ZNF407: variants seen among roughly 807,000 people sequenced by gnomAD.
ZNF407 encodes zinc finger protein 407.
In ZNF407, 17 loss-of-function variants were observed where a neutral mutation model predicts 131.2. The observed-to-expected ratio is 0.13, with a 90% CI of 0.09 to 0.19. The LOEUF (loss-of-function observed/expected upper bound fraction) is 0.19. Among genes scored for constraint, ZNF407 ranks in the 10% least tolerant of loss-of-function variants. The probability of loss-of-function intolerance (pLI) is 1.00; values close to 1 mark genes in which losing one functional copy is unlikely to be tolerated. For missense variants in ZNF407, 2,681 were observed against 2,830.6 expected, an observed-to-expected ratio of 0.95 and a Z score of 1.20; for synonymous variants, 1,156 against 1,062.0, an observed-to-expected ratio of 1.09 and a Z score of -1.72.
At chr18:74,877,694 T>C (rs1188033003) in intron 5 of ZNF407, among the ~76,000 whole-genome samples, 1 of 152,226 alleles carries the variant, frequency 6.6e-6, no homozygotes, top group Non-Finnish European at 1.5e-5. Flanking sequence ...TAGAAGGTCA[T>C]ATGGAGAGAT....
intron 4 of ZNF407, among the ~76,000 whole-genome samples, chr18:74,816,014 C>T (rs962011235): frequency 2.0e-5 from 3 of 152,134 alleles, no homozygotes; most frequent in Non-Finnish European, 4.4e-5. Flanking sequence ...TTCTCCAGCA[C>T]GATTCGTTTG....
intron 8 of ZNF407, among the ~76,000 whole-genome samples, chr18:75,011,109 A>G (rs1972969389): frequency 6.6e-6 from 1 of 151,940 alleles, no homozygotes; most frequent in Admixed American, 6.6e-5. Flanking sequence ...TCTCTTTGTT[A>G]CTCTTGGCTT....
intron 8 of ZNF407, among the ~76,000 whole-genome samples, chr18:75,060,524 G>A (rs1268842494): frequency 9.2e-5 from 1 of 10,852 alleles, no homozygotes; most frequent in Non-Finnish European, 2.3e-4. Context: ...TTTTTTTTTT[G>A]CGACGGAGTC....
At chr18:74,878,500 C>T (rs564119779) in intron 5 of ZNF407, among the ~76,000 whole-genome samples, 1 of 152,172 alleles carries the variant, frequency 6.6e-6, no homozygotes, top group East Asian at 1.9e-4. Flanking sequence ...AGATGAAAAG[C>T]CAGTGCAGAT....
chr18:75,051,331 A>C (rs374314843), intron 8 of ZNF407, among the ~76,000 whole-genome samples: 1 of 152,244 alleles, frequency 6.6e-6, no homozygotes, highest in South Asian at 2.1e-4. Context: ...GACAAACTAC[A>C]AAAGCACCCG....
At chr18:75,029,590 T>C (rs1340317789) in intron 8 of ZNF407, among the ~76,000 whole-genome samples, 3 of 152,146 alleles carry the variant, frequency 2.0e-5, no homozygotes, top group African/African-American at 7.2e-5. Flanking sequence ...TGCGTGTGTG[T>C]GCGTATGTGT....
At chr18:75,011,941 C>T (rs1046910036) in intron 8 of ZNF407, among the ~76,000 whole-genome samples, 8 of 152,036 alleles carry the variant, frequency 5.3e-5, no homozygotes, top group African/African-American at 1.7e-4. Flanking sequence ...GTAAAATTTA[C>T]ATAGTCATTG....
intron 4 of ZNF407, among the ~76,000 whole-genome samples, chr18:74,785,548 T>A (rs564380015): frequency 6.6e-6 from 1 of 152,230 alleles, no homozygotes; most frequent in African/African-American, 2.4e-5. Flanking sequence ...TAATAGGACA[T>A]GGCATTGTAT....
rs1042413535 is a variant in ZNF407, at chr18:74,983,572, G to A, written c.5428+62880G>A. Among the ~76,000 whole-genome samples, 10 of 152,156 alleles carry A rather than the reference G, an allele frequency of 6.6e-5. No individual in the cohort carries two copies. The South Asian group carries it at 1.0e-3, about 16-fold the overall frequency. On this transcript the variant is annotated intron_variant, in intron 8 of 8. Coordinates refer to ENST00000299687, the MANE Select transcript of ZNF407 (RefSeq NM_017757.3). ...GATTTATGAGTCAGTCGGTCTTTGG[G>A]TAGTCATGAAGAATATGACTTCTAT...
intron 4 of ZNF407, among the ~76,000 whole-genome samples, chr18:74,783,947 A>C (rs1466634020): frequency 1.3e-5 from 2 of 152,242 alleles, no homozygotes; most frequent in African/African-American, 2.4e-5. Flanking sequence ...GGACCCCAGC[A>C]GCAGTATAAT....
rs1024641741 is a variant in ZNF407 at position 74,893,170 on chromosome 18, T to C, written c.5249+3132T>C. On this transcript the variant is annotated intron_variant, in intron 7 of 8. Coordinates refer to ENST00000299687, the MANE Select transcript of ZNF407 (RefSeq NM_017757.3). ...AGCTGGATCCCATCCATGTTATACC[T>C]CTGTCAGGTACTACATTTAAGAGGA... is the stretch of plus-strand genomic sequence containing the variant. 4.5e-4 allele frequency among the ~76,000 whole-genome samples: 69 copies of C among 152,316 alleles called. 1 individual carries two copies. Among genetic ancestry groups the C allele is most frequent in the African/African-American group, 1.5e-3 (64 of 41,578 alleles).
At chr18:74,609,004 A>G (rs1345601651) in intron 1 of ZNF407, among the ~76,000 whole-genome samples, 1 of 152,176 alleles carries the variant, frequency 6.6e-6, no homozygotes, top group Non-Finnish European at 1.5e-5. Flanking sequence ...ACAAATGAAC[A>G]TAATATCAGA....
chr18:74,913,110 A>G (rs1971696904), intron 7 of ZNF407, among the ~76,000 whole-genome samples: 1 of 152,242 alleles, frequency 6.6e-6, no homozygotes, highest in African/African-American at 2.4e-5. Context: ...AAACATTGTT[A>G]GTGGAATTGT....
intron 8 of ZNF407, among the ~76,000 whole-genome samples, chr18:75,007,813 ACATGGGAAATCCTC>A (rs1480636985): frequency 6.6e-6 from 1 of 152,200 alleles, no homozygotes; most frequent in Non-Finnish European, 1.5e-5. Flanking sequence ...CACTACTGTA[ACATGGGAAATCCTC>A]CATGGGAAAT....
rs933293242 is a variant in ZNF407 at position 74,635,989 on chromosome 18, C to T, written c.4687+283C>T. Among the ~76,000 whole-genome samples the T allele has an allele frequency of 6.6e-6, 1 of 152,134 alleles. No individual in the cohort carries two copies. On this transcript the variant is annotated intron_variant, in intron 2 of 8. Transcript: ENST00000299687. This position sits in a 1 kb window ranked among gnomAD's most constrained non-coding sequence, Gnocchi z 4.7. ...CCTTTTAAAAACTGCTGTCTGTTGG[C>T]GGCTTTTCAGTTGTTTCTGAGTCCT...
chr18:75,064,411 C>T lies in ZNF407; in HGVS notation c.6690C>T (p.Ser2230=). ...ASVVIYTQEG[S]SAAAAIQSQR... is the part of the protein sequence containing the mutation. ...TGGTCATCTACACCCAGGAGGGCTCCTCGGCCGCGGCGGCAATTCAGAGCC... is the reference window on the plus strand; with the variant it reads ...TGGTCATCTACACCCAGGAGGGCTCTTCGGCCGCGGCGGCAATTCAGAGCC... The change falls in exon 9 of 9, where the codon TCC becomes TCT. Residue 2230 remains serine (S), a synonymous_variant. Coordinates refer to ENST00000299687, the MANE Select transcript of ZNF407 (RefSeq NM_017757.3). 2 of 1,534,072 alleles carry T rather than the reference C, an allele frequency of 1.3e-6. No homozygotes were observed. The highest frequency in any genetic ancestry group is 1.8e-6 in the Non-Finnish European group (2 of 1,142,038).
Position 74,634,768 on chromosome 18 carries a change from G to A in ZNF407, c.3749G>A (p.Cys1250Tyr). Residue 1250 changes from cysteine (C) to tyrosine (Y), a missense_variant, in exon 2 of 9, where the codon TGC becomes TAC. Physicochemically the swap from Cys to Tyr is radical, Grantham distance 194. Around this residue, in one of 6 missense-constraint regions of ZNF407, gnomAD observed 1,789 missense variants for 1,748.7 expected, o/e 1.02. Transcript: ENST00000299687. ...GGGVVPHRHL[C>Y]PVTLDGERSA... ...GGTGTTGTCCCCCACAGACACCTGT[G>A]CCCTGTGACGCTCGATGGGGAGCGC... 1.2e-6 allele frequency: 2 copies of A among 1,614,024 alleles called. No homozygotes were observed. Among genetic ancestry groups the A allele is most frequent in the East Asian group, 2.2e-5 (1 of 44,874 alleles).
At chr18:74,992,302 G>T (rs1290610236) in intron 8 of ZNF407, among the ~76,000 whole-genome samples, 2 of 152,318 alleles carry the variant, frequency 1.3e-5, no homozygotes, top group African/African-American at 2.4e-5. Context: ...AATAGTGGGG[G>T]TTGGGAGTTC....
At chr18:74,780,996 A>C (rs1485843032) in intron 3 of ZNF407, among the ~76,000 whole-genome samples, 2 of 152,176 alleles carry the variant, frequency 1.3e-5, no homozygotes, top group Non-Finnish European at 1.5e-5. Context: ...TTTTTAAGGA[A>C]GCTCCATGAA....
Sources: allele counts gnomAD v4.1 joint callset (sites outside exome capture counted in the v4.1 genomes callset), GRCh38; gene constraint gnomAD v4.1.1; regional missense constraint gnomAD v4.1.1; non-coding constraint Gnocchi (gnomAD v3.1); transcripts MANE v1.5; gene names NCBI Gene and HGNC (gene_info 2026-07-23, HGNC 2026-07-21).